The following MYO9A variants were observed in gnomAD, a reference collection of about 807,000 sequenced individuals.
MYO9A encodes myosin IXA, also known as unconventional myosin-IXa.
In MYO9A, 103 loss-of-function variants were observed where a neutral mutation model predicts 293.3. The observed-to-expected ratio is 0.35, with a 90% CI of 0.30 to 0.41. The LOEUF (loss-of-function observed/expected upper bound fraction) is 0.41, where lower values mean the gene tolerates loss of function less well. Ranked by LOEUF, MYO9A falls within the 10% of genes least tolerant of loss-of-function variation. The pLI, the probability that MYO9A is intolerant of heterozygous loss-of-function variation, is 1.00. For missense variants in MYO9A, 2,685 were observed against 3,033.0 expected, an observed-to-expected ratio of 0.89 and a Z score of 2.69; for synonymous variants, 1,001 against 1,035.7, an observed-to-expected ratio of 0.97 and a Z score of 0.64.
chr15:72,067,708 A>C (rs1248551982), intron 1 of MYO9A, among the ~76,000 whole-genome samples: 1 of 152,164 alleles, frequency 6.6e-6, no homozygotes, highest in East Asian at 1.9e-4. Flanking sequence ...AATAACTTAA[A>C]ATCTCTCCCT....
rs1334334599 is a variant in MYO9A, at chr15:71,825,042, G to A, written c.*1538C>T. ...GCTCTTTTTCAGAGCAGTGCATGTA[G>A]TAGCAAGACAAGATGCATTTAGTAA... On this transcript the variant is annotated 3_prime_UTR_variant, in exon 42 of 42. Coordinates refer to ENST00000356056, the MANE Select transcript of MYO9A (RefSeq NM_006901.4). 1 of 152,208 alleles carries A rather than the reference G, an allele frequency of 6.6e-6. No individual in the cohort carries two copies. Among genetic ancestry groups the A allele is most frequent in the Non-Finnish European group, 1.5e-5 (1 of 68,038 alleles). The allele number at this position is 152,208 out of a possible 1,614,324, so 9.4% of individuals were successfully genotyped here. A position where few individuals can be genotyped will look rare whatever the true frequency, so the allele number is the denominator to read the frequency against.
In MYO9A at chr15:71,982,005, A is replaced by ATTTT. The variant is rs750930471; in HGVS notation, c.1723-3717_1723-3714dup. 7.5e-4 allele frequency among the ~76,000 whole-genome samples: 42 copies of ATTTT among 56,312 alleles called. 3 individuals carry two copies. Among genetic ancestry groups the ATTTT allele is most frequent in the East Asian group, 3.7e-3 (6 of 1,608 alleles). The allele number at this position is 56,312 out of a possible 152,430, so 36.9% of individuals were successfully genotyped here. A position where few individuals can be genotyped will look rare whatever the true frequency, so the allele number is the denominator to read the frequency against. Reference sequence around the variant, plus strand: ...TTGTTCAACCTCTAGCCTATTTAGAATTTTTTTTTTTTTTTTTTTTTTTTT... The same window carrying ATTTT: ...TTGTTCAACCTCTAGCCTATTTAGAATTTTTTTTTTTTTTTTTTTTTTTTTTTTT... On this transcript the variant is annotated intron_variant, in intron 11 of 41. Coordinates refer to ENST00000356056, the MANE Select transcript of MYO9A (RefSeq NM_006901.4).
intron 11 of MYO9A, among the ~76,000 whole-genome samples, chr15:71,985,697 G>C (rs1169147890): frequency 1.3e-5 from 2 of 152,072 alleles, no homozygotes; most frequent in African/African-American, 4.8e-5. Flanking sequence ...CAAATGCTGG[G>C]CTCACTTCCC....
chr15:72,108,836 C>A (rs541852908), intron 1 of MYO9A, among the ~76,000 whole-genome samples: 1 of 148,912 alleles, frequency 6.7e-6, no homozygotes, highest in Non-Finnish European at 1.5e-5. Flanking sequence ...AATCTCAGCT[C>A]ACCACAACCT....
intron 1 of MYO9A, among the ~76,000 whole-genome samples, chr15:72,082,289 T>C (rs968711593): frequency 6.6e-6 from 1 of 152,186 alleles, no homozygotes; most frequent in African/African-American, 2.4e-5. Flanking sequence ...TTTGTGATGA[T>C]TGTGAATGGG....
chr15:72,034,430 TA>T (rs2077978081), intron 2 of MYO9A, among the ~76,000 whole-genome samples: 1 of 152,204 alleles, frequency 6.6e-6, no homozygotes, highest in South Asian at 2.1e-4. Flanking sequence ...CAAAGATTCA[TA>T]AAAATCTCCA....
intron 15 of MYO9A, among the ~76,000 whole-genome samples, chr15:71,944,563 TATGGATATCCA>T (rs2058861459): frequency 1.3e-5 from 2 of 152,158 alleles, no homozygotes; most frequent in Middle Eastern, 3.2e-3. Context: ...TCTTATACCT[TATGGATATCCA>T]GTTGTTCTAG....
chr15:71,862,093 C>T (rs1203397969), intron 33 of MYO9A, among the ~76,000 whole-genome samples: 7 of 152,184 alleles, frequency 4.6e-5, no homozygotes, highest in Non-Finnish European at 7.3e-5. Context: ...GATCACACCA[C>T]TGCACTCCAG....
intron 39 of MYO9A, among the ~76,000 whole-genome samples, chr15:71,833,370 G>A (rs974949395): frequency 7.2e-5 from 11 of 151,978 alleles, no homozygotes; most frequent in Admixed American, 7.2e-4. Context: ...ACTTTAAGAA[G>A]TATTACCTGT....
intron 12 of MYO9A, among the ~76,000 whole-genome samples, chr15:71,975,268 T>G (rs2076108462): frequency 6.6e-6 from 1 of 151,714 alleles, no homozygotes; most frequent in South Asian, 2.1e-4. Flanking sequence ...GATCCATGTT[T>G]GAAAGCCAGG....
intron 33 of MYO9A, among the ~76,000 whole-genome samples, chr15:71,862,186 G>A (rs565172103): frequency 2.0e-5 from 3 of 152,162 alleles, no homozygotes; most frequent in African/African-American, 7.2e-5. Context: ...TAAACTGGGG[G>A]TAGAAAAGAG....
intron 10 of MYO9A, chr15:71,993,591 G>A (rs1019375749): frequency 6.6e-6 from 1 of 152,100 alleles, no homozygotes; most frequent in African/African-American, 2.4e-5. Flanking sequence ...AAAGGTGTAG[G>A]GGATCAGGTG....
At chr15:72,021,966 A>G (rs956196366) in intron 4 of MYO9A, among the ~76,000 whole-genome samples, 37 of 152,214 alleles carry the variant, frequency 2.4e-4, no homozygotes, top group Non-Finnish European at 4.3e-4. Context: ...GGAACAATAT[A>G]CATAGAGAGC....
At chr15:71,889,707 C>T (rs2057124448) in intron 26 of MYO9A, 1 of 151,824 alleles carries the variant, frequency 6.6e-6, no homozygotes. Context: ...CCAAAATTGA[C>T]CCTGTTAGAT....
intron 1 of MYO9A, among the ~76,000 whole-genome samples, chr15:72,077,752 AATATATATATATATAT>A (rs60977581): frequency 1.4e-5 from 1 of 72,492 alleles, no homozygotes; most frequent in Non-Finnish European, 2.3e-5. Context: ...AAAAAAAAAA[AATATATATATATATAT>A]ATATATATAT....
At chr15:72,097,698 A>G (rs146939717) in intron 1 of MYO9A, among the ~76,000 whole-genome samples, 6,187 of 152,276 alleles carry the variant, frequency 0.041, 221 homozygotes, top group Admixed American at 0.094. Context: ...TCATGAGGTC[A>G]AGAGATCAAG....
At chr15:72,098,587 T>G (rs184997214) in intron 1 of MYO9A, among the ~76,000 whole-genome samples, 12 of 151,952 alleles carry the variant, frequency 7.9e-5, no homozygotes, top group Non-Finnish European at 1.5e-4. Flanking sequence ...TAACCCTAAA[T>G]AAGTATAATA....
rs148895942 is a variant in MYO9A at position 71,930,247 on chromosome 15, T to C, written c.2562+3423A>G. 3.3e-5 allele frequency among the ~76,000 whole-genome samples: 5 copies of C among 152,284 alleles called. No homozygotes were observed. The East Asian group carries it at 9.6e-4, about 29-fold the overall frequency. On this transcript the variant is annotated intron_variant, in intron 18 of 41. Transcript: ENST00000356056. The stretch of plus-strand genomic sequence containing the variant: ...CCACTGTTTTCTTCAAATCCATTGT[T>C]TCCTTATTGATTTTTGGTGTGGATG...
At chr15:72,051,035 T>G (rs1186537712) in intron 1 of MYO9A, among the ~76,000 whole-genome samples, 1 of 152,176 alleles carries the variant, frequency 6.6e-6, no homozygotes, top group Non-Finnish European at 1.5e-5. Flanking sequence ...TAACTCACTT[T>G]ATTTTGTTGT....
Sources: allele counts gnomAD v4.1 joint callset (sites outside exome capture counted in the v4.1 genomes callset), GRCh38; gene constraint gnomAD v4.1.1; transcripts MANE v1.5; gene names NCBI Gene and HGNC (gene_info 2026-07-23, HGNC 2026-07-21).